KCNJ1: variants seen among roughly 807,000 people sequenced by gnomAD.
KCNJ1 encodes ATP-sensitive inward rectifier potassium channel 1.
Under a neutral mutation model 21.9 loss-of-function variants are expected in KCNJ1, and 24 were observed. The observed-to-expected ratio is 1.10, with a 90% CI of 0.79 to 1.54. KCNJ1 has a LOEUF of 1.54. Ranked by LOEUF, KCNJ1 falls within the 40% of genes most tolerant of loss-of-function variation. The pLI is 0.00. For synonymous variants in KCNJ1, 152 were observed against 160.9 expected (o/e 0.94, Z 0.42); for missense variants, 457 against 455.4 (o/e 1.00, Z -0.03).
intron 1 of KCNJ1, among the ~76,000 whole-genome samples, chr11:128,865,897 T>A (rs1440366596): frequency 6.6e-6 from 1 of 152,162 alleles, no homozygotes; most frequent in Admixed American, 6.5e-5. Flanking sequence ...CATTAAAGCA[T>A]TAAAGATTAA....
intron 2 of KCNJ1, among the ~76,000 whole-genome samples, chr11:128,843,377 G>C (rs967093016): frequency 6.6e-5 from 10 of 152,174 alleles, no homozygotes; most frequent in African/African-American, 2.4e-4. Flanking sequence ...AGCAAGCAAA[G>C]GGCTGCACAT....
At chr11:128,846,144 G>T (rs1224335503) in intron 2 of KCNJ1, among the ~76,000 whole-genome samples, 3 of 152,090 alleles carry the variant, frequency 2.0e-5, no homozygotes, top group African/African-American at 4.8e-5. Context: ...CAGAGTCGAC[G>T]GGCTTCTAGC....
chr11:128,858,153 G>A lies in KCNJ1; in HGVS notation c.-191-7263C>T, dbSNP rs867810879. 3.3e-5 allele frequency among the ~76,000 whole-genome samples: 5 copies of A among 150,936 alleles called. No homozygotes were observed. In the South Asian group the frequency reaches 1.1e-3, roughly 32 times the overall value. On this transcript the variant is annotated intron_variant, in intron 1 of 2. Coordinates refer to ENST00000392666, the MANE Select transcript of KCNJ1 (RefSeq NM_153766.3). ...GGGATGGTGAGGGAAGGCGAGGGTT[G>A]GGGAGGGATGGCGAGGGATGGCGAG...
intron 1 of KCNJ1, among the ~76,000 whole-genome samples, chr11:128,861,527 C>T (rs1301595331): frequency 6.6e-6 from 1 of 152,162 alleles, no homozygotes; most frequent in Admixed American, 6.5e-5. Flanking sequence ...GGGATAGACC[C>T]AGGCAACCTG....
chr11:128,855,372 A>T (rs1301074543), intron 1 of KCNJ1, among the ~76,000 whole-genome samples: 2 of 152,182 alleles, frequency 1.3e-5, no homozygotes, highest in African/African-American at 4.8e-5. Flanking sequence ...AAAAGAGGAT[A>T]GAAGGAAGCC....
chr11:128,865,345 C>A (rs2135965228), intron 1 of KCNJ1, among the ~76,000 whole-genome samples: 1 of 152,198 alleles, frequency 6.6e-6, no homozygotes, highest in East Asian at 1.9e-4. Context: ...ATGCACATAG[C>A]CCCTAGCCCA....
At chr11:128,863,224 T>A (rs1943751687) in intron 1 of KCNJ1, among the ~76,000 whole-genome samples, 1 of 152,184 alleles carries the variant, frequency 6.6e-6, no homozygotes, top group South Asian at 2.1e-4. Context: ...TAGACCCCAA[T>A]AAATACAATT....
At chr11:128,841,446 G>A (rs1943279908) in intron 2 of KCNJ1, among the ~76,000 whole-genome samples, 1 of 152,138 alleles carries the variant, frequency 6.6e-6, no homozygotes, top group Non-Finnish European at 1.5e-5. Context: ...GCAAAATGGT[G>A]AAGGGCCTGT....
chr11:128,859,805 G>C (rs1262299483), intron 1 of KCNJ1, among the ~76,000 whole-genome samples: 1 of 152,198 alleles, frequency 6.6e-6, no homozygotes, highest in South Asian at 2.1e-4. Flanking sequence ...CCAGGGAAGT[G>C]GGGGAGCTGG....
At position 128,839,540 on chromosome 11, in the gene KCNJ1, T is replaced by C. The variant is rs1384744990; in HGVS notation, c.704A>G (p.Asp235Gly). Residue 235 changes from aspartate (D) to glycine (G), a missense_variant, in exon 3 of 3, where the codon GAC (aspartate) becomes GGC (glycine). Coordinates refer to ENST00000392666, the MANE Select transcript of KCNJ1 (RefSeq NM_153766.3). The stretch of plus-strand genomic sequence containing the variant: ...GAAGAATAAATTTTCATTCCCAGCG[T>C]CAACTACAAAGTTGATATTGATCTG... ...LDQININFVVDAGNENLFFIS... is the reference protein window; with the variant it reads ...LDQININFVVGAGNENLFFIS... The C allele has an allele frequency of 6.2e-6, 10 of 1,614,190 alleles. No individual in the cohort carries two copies. In the East Asian group the frequency reaches 2.2e-4, roughly 36 times the overall value.
intron 1 of KCNJ1, among the ~76,000 whole-genome samples, chr11:128,858,394 T>A (rs1943630394): frequency 6.6e-6 from 1 of 152,098 alleles, no homozygotes; most frequent in South Asian, 2.1e-4. Flanking sequence ...CCATATTTGA[T>A]TGACGATTAA....
At chr11:128,844,839 G>C (rs991566144) in intron 2 of KCNJ1, among the ~76,000 whole-genome samples, 1 of 149,084 alleles carries the variant, frequency 6.7e-6, no homozygotes, top group Non-Finnish European at 1.5e-5. Flanking sequence ...TTCCTCTATA[G>C]AAATGGAAAA....
intron 1 of KCNJ1, among the ~76,000 whole-genome samples, chr11:128,860,012 C>CCAG (rs889469063): frequency 3.3e-4 from 49 of 149,820 alleles, no homozygotes; most frequent in African/African-American, 8.1e-4. Flanking sequence ...CTCCCGCTTA[C>CCAG]CAGCAGCAGC....
At chr11:128,862,818 A>C (rs1448073927) in intron 1 of KCNJ1, among the ~76,000 whole-genome samples, 1 of 152,158 alleles carries the variant, frequency 6.6e-6, no homozygotes, top group Non-Finnish European at 1.5e-5. Context: ...CACTTCCCTT[A>C]ACAGCATCCA....
intron 1 of KCNJ1, among the ~76,000 whole-genome samples, chr11:128,851,474 G>C (rs1201018847): frequency 2.0e-5 from 3 of 152,162 alleles, no homozygotes; most frequent in Non-Finnish European, 4.4e-5. Context: ...CTAAAAACCG[G>C]ATAAATCTGT....
intron 1 of KCNJ1, among the ~76,000 whole-genome samples, chr11:128,856,081 C>T (rs1001003404): frequency 2.0e-5 from 3 of 151,402 alleles, no homozygotes; most frequent in African/African-American, 4.9e-5. Context: ...AACTTCCGGG[C>T]GGGAAAAGAC....
chr11:128,855,219 T>C (rs1943565499), intron 1 of KCNJ1, among the ~76,000 whole-genome samples: 1 of 152,252 alleles, frequency 6.6e-6, no homozygotes, highest in Admixed American at 6.5e-5. Context: ...ACTGTCTTCC[T>C]GATTCACTTT....
In KCNJ1 at chr11:128,838,199, T is replaced by C. The variant is rs1416439694; in HGVS notation, c.*926A>G. The C allele has an allele frequency of 6.6e-6, 1 of 152,636 alleles. No homozygotes were observed. Among genetic ancestry groups the C allele is most frequent in the East Asian group, 1.9e-4 (1 of 5,198 alleles). 9.5% of individuals were successfully genotyped at this position (152,636 alleles called of 1,614,324 possible). On this transcript the variant is annotated 3_prime_UTR_variant, in exon 3 of 3. Transcript: ENST00000392666. ...GAGCCTTCCATAAGCTGGTCCCTTT[T>C]AGGAAGATGGGCTGTCAGGGAAAGA...
At chr11:128,850,074 C>CA (rs1943455758) in intron 2 of KCNJ1, among the ~76,000 whole-genome samples, 2 of 151,962 alleles carry the variant, frequency 1.3e-5, no homozygotes, top group African/African-American at 4.8e-5. Flanking sequence ...TCGGAGGGCC[C>CA]CCCCGCCTCC....
Sources: allele counts gnomAD v4.1 joint callset (sites outside exome capture counted in the v4.1 genomes callset), GRCh38; gene constraint gnomAD v4.1.1; transcripts MANE v1.5; gene names NCBI Gene and HGNC (gene_info 2026-07-23, HGNC 2026-07-21).